The following ADAM22 variants were observed in gnomAD, a reference collection of about 807,000 sequenced individuals.
ADAM22 encodes the protein ADAM metallopeptidase domain 22.
In ADAM22, 65 loss-of-function variants were observed where a neutral mutation model predicts 144.6. The observed-to-expected ratio is 0.45, with a 90% CI of 0.37 to 0.55. The LOEUF (loss-of-function observed/expected upper bound fraction) is 0.55, where lower values mean the gene tolerates loss of function less well. Among genes scored for constraint, ADAM22 ranks in the 20% least tolerant of loss-of-function variants. The pLI is 0.00. For missense variants in ADAM22, 974 were observed against 1,184.9 expected (o/e 0.82, Z 2.61); for synonymous variants, 391 against 412.6 (o/e 0.95, Z 0.63).
chr7:88,024,741 C>T (rs1356174118), intron 3 of ADAM22, among the ~76,000 whole-genome samples: 9 of 147,654 alleles, frequency 6.1e-5, no homozygotes, highest in African/African-American at 2.0e-4. Flanking sequence ...ATGATGTTCC[C>T]CTTCCTGTGT....
rs769632258 is a variant in ADAM22, at chr7:88,130,448, A to G, written c.814A>G (p.Met272Val). ...TNTYAKSVVN[M>V]ADLIYKDQLK... The stretch of plus-strand genomic sequence containing the variant: ...TACCTATGCGAAATCTGTGGTGAAC[A>G]TGGCAGATTTAGTAAGTATCAACCC... The change falls in exon 10 of 32, where the codon ATG becomes GTG. Residue 272 changes from methionine (M) to valine (V), a missense_variant. Physicochemically the swap from Met to Val is conservative, Grantham distance 21 (BLOSUM62 1). This residue lies in a region of ADAM22 where 734 missense variants were observed against 950.6 expected (regional missense o/e 0.77). Transcript: ENST00000413139. 2.5e-5 allele frequency: 41 copies of G among 1,612,970 alleles called. No homozygotes were observed. Among genetic ancestry groups the G allele is most frequent in the Non-Finnish European group, 3.4e-5 (40 of 1,179,280 alleles).
intron 31 of ADAM22, among the ~76,000 whole-genome samples, chr7:88,195,639 C>G (rs1399919890): frequency 6.6e-6 from 1 of 151,958 alleles, no homozygotes; most frequent in Non-Finnish European, 1.5e-5. Context: ...CCTCAGCCTC[C>G]CGAGTAGCTG....
chr7:88,032,174 T>A (rs908568192), intron 3 of ADAM22, among the ~76,000 whole-genome samples: 3 of 152,140 alleles, frequency 2.0e-5, no homozygotes, highest in African/African-American at 7.2e-5. Flanking sequence ...GAATGATAGA[T>A]CCACTGACAA....
chr7:88,171,691 T>G, intron 26 of ADAM22, 130 bp downstream of exon 26: 1 of 691,190 alleles, frequency 1.4e-6, no homozygotes, highest in South Asian at 2.9e-5. Flanking sequence ...ACTAATCGAT[T>G]TTTCATTATC....
At chr7:88,063,736 C>T (rs936960328) in intron 3 of ADAM22, among the ~76,000 whole-genome samples, 1 of 152,046 alleles carries the variant, frequency 6.6e-6, no homozygotes, top group African/African-American at 2.4e-5. Flanking sequence ...AAACAGGTCA[C>T]ATGGGAAAGA....
chr7:88,168,103 A>G, intron 24 of ADAM22, 34 bp from the exon 25 acceptor site: 1 of 1,581,410 alleles, frequency 6.3e-7, no homozygotes, highest in Non-Finnish European at 8.7e-7. Context: ...ATTTTATACC[A>G]CTGATCTTCC....
chr7:87,935,772 C>G (rs560651088), intron 2 of ADAM22, among the ~76,000 whole-genome samples: 285 of 152,324 alleles, frequency 1.9e-3, no homozygotes, highest in Middle Eastern at 6.8e-3. Context: ...TAGCAGTTCT[C>G]TTGGTTTAAT....
intron 22 of ADAM22, among the ~76,000 whole-genome samples, chr7:88,159,288 C>T (rs527550907): frequency 2.0e-5 from 3 of 152,046 alleles, no homozygotes; most frequent in African/African-American, 7.2e-5. Flanking sequence ...AAAAAAAGGC[C>T]AGGACCAGAC....
intron 3 of ADAM22, among the ~76,000 whole-genome samples, chr7:88,000,318 C>A (rs1302421891): frequency 6.6e-6 from 1 of 152,062 alleles, no homozygotes; most frequent in Non-Finnish European, 1.5e-5. Flanking sequence ...ATTAGAGCAG[C>A]AAATCACAGT....
In ADAM22 at chr7:88,062,647, G is replaced by C. The variant is rs541380455; in HGVS notation, c.324-12979G>C. Among the ~76,000 whole-genome samples, 4 of 152,234 alleles carry C rather than the reference G, an allele frequency of 2.6e-5. No homozygotes were observed. The South Asian group carries it at 8.3e-4, about 32-fold the overall frequency. The stretch of plus-strand genomic sequence containing the variant: ...ACTTTTCCTTTGCATTCACAACTTG[G>C]CTAACTGTTTGGCATTAAGAGGTTT... On this transcript the variant is annotated intron_variant, in intron 3 of 31. Transcript: ENST00000413139.
intron 17 of ADAM22, among the ~76,000 whole-genome samples, chr7:88,146,885 C>T (rs187172147): frequency 6.6e-6 from 1 of 152,320 alleles, no homozygotes; most frequent in Admixed American, 6.5e-5. Flanking sequence ...TCTGAAAGCA[C>T]TCTGTTAAAA....
chr7:87,998,240 C>T (rs2129454982), intron 3 of ADAM22, among the ~76,000 whole-genome samples: 1 of 152,250 alleles, frequency 6.6e-6, no homozygotes, highest in South Asian at 2.1e-4. Flanking sequence ...GGTCCACTGA[C>T]TCAAATGTTA....
chr7:88,072,770 A>G (rs971436945), intron 3 of ADAM22, among the ~76,000 whole-genome samples: 1 of 152,194 alleles, frequency 6.6e-6, no homozygotes, highest in African/African-American at 2.4e-5. Flanking sequence ...ATGCCTCTGT[A>G]TGATGATGTT....
chr7:87,934,586 C>A, intron 1 of ADAM22, 36 bp downstream of exon 1: 2 of 1,581,842 alleles, frequency 1.3e-6, no homozygotes, highest in Non-Finnish European at 1.7e-6. Flanking sequence ...TGGGCCATAC[C>A]ATTTCCCGGG....
chr7:88,134,046 T>G (rs1234624090), intron 12 of ADAM22, among the ~76,000 whole-genome samples: 1 of 152,216 alleles, frequency 6.6e-6, no homozygotes, highest in Non-Finnish European at 1.5e-5. Flanking sequence ...TTCAAGAATG[T>G]CACTGGTGAA....
At chr7:88,164,224 C>A (rs926449103) in intron 23 of ADAM22, among the ~76,000 whole-genome samples, 3 of 151,962 alleles carry the variant, frequency 2.0e-5, no homozygotes, top group Admixed American at 2.0e-4. Context: ...ATCATCCATG[C>A]TAATGAATAA....
At chr7:88,040,387 C>T (rs1395152346) in intron 3 of ADAM22, among the ~76,000 whole-genome samples, 1 of 152,006 alleles carries the variant, frequency 6.6e-6, no homozygotes, top group African/African-American at 2.4e-5. Context: ...CCGCCTCAGC[C>T]TCTCAAAGTG....
At chr7:88,021,073 C>T (rs532068098) in intron 3 of ADAM22, among the ~76,000 whole-genome samples, 33 of 152,276 alleles carry the variant, frequency 2.2e-4, no homozygotes, top group African/African-American at 7.2e-4. Context: ...AATTTTTCTC[C>T]TCTTATCTTC....
chr7:88,108,887 G>A (rs1825261918), intron 5 of ADAM22, among the ~76,000 whole-genome samples: 1 of 152,092 alleles, frequency 6.6e-6, no homozygotes, highest in African/African-American at 2.4e-5. Flanking sequence ...GCAGAAAACA[G>A]AGGCTTTTGA....
Sources: gnomAD v4.1 joint callset for allele counts (sites outside exome capture counted in the v4.1 genomes callset) on GRCh38, gnomAD v4.1.1 for gene constraint, gnomAD v4.1.1 regional missense constraint, MANE v1.5 for transcripts, NCBI Gene and HGNC (gene_info 2026-07-23, HGNC 2026-07-21) for gene names.